Variants in EPHA6 observed in about 807,000 individuals in gnomAD.
EPHA6 encodes the protein EPH receptor A6.
Under a neutral mutation model 112.0 loss-of-function variants are expected in EPHA6, and 50 were observed. The ratio of observed to expected loss-of-function variants is 0.45; its 90% CI spans 0.36 to 0.56. The LOEUF (loss-of-function observed/expected upper bound fraction) is 0.56, where lower values mean the gene tolerates loss of function less well. Ranked by LOEUF, EPHA6 falls within the 20% of genes least tolerant of loss-of-function variation. EPHA6 has a pLI of 0.00. For missense variants in EPHA6, 1,280 were observed against 1,417.4 expected, an observed-to-expected ratio of 0.90 and a Z score of 1.56; for synonymous variants, 529 against 490.7, an observed-to-expected ratio of 1.08 and a Z score of -1.03.
At chr3:97,213,106 A>G (rs377603404) in intron 3 of EPHA6, among the ~76,000 whole-genome samples, 37 of 152,174 alleles carry the variant, frequency 2.4e-4, no homozygotes, top group Admixed American at 3.3e-4. Flanking sequence ...GTTCATAAAC[A>G]AGTTTATGGA....
intron 1 of EPHA6, among the ~76,000 whole-genome samples, chr3:96,837,276 T>C (rs2107305875): frequency 6.6e-6 from 1 of 152,216 alleles, no homozygotes; most frequent in African/African-American, 2.4e-5. Flanking sequence ...TGTGTGGTAA[T>C]TGCTCTCTGG....
chr3:96,908,896 C>G (rs1426562124), intron 2 of EPHA6, among the ~76,000 whole-genome samples: 1 of 151,896 alleles, frequency 6.6e-6, no homozygotes, highest in Admixed American at 6.6e-5. Flanking sequence ...GGAATAGCTT[C>G]ATTGGAGTTA....
intron 3 of EPHA6, among the ~76,000 whole-genome samples, chr3:97,030,534 A>G (rs537530473): frequency 2.4e-4 from 36 of 152,084 alleles, no homozygotes; most frequent in African/African-American, 1.2e-4. Flanking sequence ...TTCCTTAGCC[A>G]CTAAAGTTCT....
intron 6 of EPHA6, among the ~76,000 whole-genome samples, chr3:97,435,033 G>A (rs1009325319): frequency 6.6e-6 from 1 of 151,928 alleles, no homozygotes; most frequent in Non-Finnish European, 1.5e-5. Flanking sequence ...CAAGACAAAA[G>A]TTTAAACTGC....
At chr3:96,889,662 G>A (rs1483434492) in intron 2 of EPHA6, among the ~76,000 whole-genome samples, 1 of 152,122 alleles carries the variant, frequency 6.6e-6, no homozygotes, top group Non-Finnish European at 1.5e-5. Flanking sequence ...ATTTGGGTGA[G>A]GACTCAGAGG....
At chr3:97,317,447 A>T (rs2081897514) in intron 5 of EPHA6, among the ~76,000 whole-genome samples, 1 of 152,026 alleles carries the variant, frequency 6.6e-6, no homozygotes, top group Non-Finnish European at 1.5e-5. Flanking sequence ...ACTATTTTAA[A>T]CTCATTGTTA....
intron 7 of EPHA6, chr3:97,466,567 G>A (rs1338008989): frequency 2.8e-6 from 2 of 723,680 alleles, no homozygotes; most frequent in Non-Finnish European, 5.0e-6. Flanking sequence ...CTCAGTCTCA[G>A]TTCTGTTTTC....
chr3:96,876,052 C>A (rs1168273790), intron 2 of EPHA6, among the ~76,000 whole-genome samples: 1 of 150,612 alleles, frequency 6.6e-6, no homozygotes, highest in Non-Finnish European at 1.5e-5. Context: ...ATAAAATAAT[C>A]TGTATCTAAA....
At chr3:97,033,624 C>T (rs2044965203) in intron 3 of EPHA6, among the ~76,000 whole-genome samples, 1 of 151,932 alleles carries the variant, frequency 6.6e-6, no homozygotes, top group Non-Finnish European at 1.5e-5. Flanking sequence ...GAAAATTGCA[C>T]ATATTCTTAA....
At chr3:97,190,979 T>C (rs2077290731) in intron 3 of EPHA6, among the ~76,000 whole-genome samples, 1 of 152,116 alleles carries the variant, frequency 6.6e-6, no homozygotes, top group Non-Finnish European at 1.5e-5. Flanking sequence ...ATCTCTTGAA[T>C]GTATTTTTCT....
chr3:97,524,258 G>T (rs1171465933), intron 10 of EPHA6, among the ~76,000 whole-genome samples: 1 of 151,760 alleles, frequency 6.6e-6, no homozygotes, highest in East Asian at 1.9e-4. Context: ...TCTGCCAGAG[G>T]TTTTTCATTA....
In EPHA6 at chr3:97,613,053, A is replaced by G. The variant is rs1029859513; in HGVS notation, c.2574+2199A>G. On this transcript the variant is annotated intron_variant, in intron 13 of 17. Coordinates refer to ENST00000389672, the MANE Select transcript of EPHA6 (RefSeq NM_001080448.3). The stretch of plus-strand genomic sequence containing the variant: ...TGCACGTAGAGTTTCTAAAAGTCAC[A>G]TTATTATAATGCAAAAAAAAAATCA... Among the ~76,000 whole-genome samples, 6 of 152,134 alleles carry G rather than the reference A, an allele frequency of 3.9e-5. No individual in the cohort carries two copies. In the East Asian group the frequency reaches 9.7e-4, roughly 25 times the overall value.
Position 96,907,328 on chromosome 3 carries a change from C to T in EPHA6, c.450+40439C>T, listed in dbSNP as rs115463497. ...AAGGTGTCATTTATTATATACCCCA[C>T]TGAAAAGAATGTTCACTTTTATTTC... On this transcript the variant is annotated intron_variant, in intron 2 of 17. Transcript: ENST00000389672. 1.9e-3 allele frequency among the ~76,000 whole-genome samples: 293 copies of T among 151,812 alleles called. 1 individual carries two copies. The highest frequency in any genetic ancestry group is 6.8e-3 in the African/African-American group (282 of 41,494).
chr3:96,955,645 AT>A (rs1481702158), intron 2 of EPHA6, among the ~76,000 whole-genome samples: 15 of 152,220 alleles, frequency 9.9e-5, no homozygotes, highest in African/African-American at 3.6e-4. Flanking sequence ...GCAGACAGAA[AT>A]TTAAACATAA....
chr3:97,319,468 G>C lies in EPHA6; in HGVS notation c.1606+75181G>C, dbSNP rs573009729. ...GGAGCATTTGAGGTCAGGAGTTCGA[G>C]ACCAGCCTGACCAACATGGTGAAAA... On this transcript the variant is annotated intron_variant, in intron 5 of 17. Coordinates refer to ENST00000389672, the MANE Select transcript of EPHA6 (RefSeq NM_001080448.3). Among the ~76,000 whole-genome samples, 35 of 151,314 alleles carry C rather than the reference G, an allele frequency of 2.3e-4. No homozygotes were observed. The South Asian group carries it at 7.1e-3, about 31-fold the overall frequency.
In EPHA6 at chr3:97,475,387, G is replaced by C; in HGVS notation, c.1930G>C (p.Val644Leu). The change falls in exon 8 of 18, where the codon GTG (valine) becomes CTG (leucine). Residue 644 changes from valine to leucine, a missense_variant. Physicochemically the swap from Val to Leu is conservative, Grantham distance 32. Around this residue, in one of 4 missense-constraint regions of EPHA6, gnomAD observed 878 missense variants for 999.7 expected, o/e 0.88. Coordinates refer to ENST00000389672, the MANE Select transcript of EPHA6 (RefSeq NM_001080448.3). Reference sequence around the variant, plus strand: ...GGCAGCAGAACAAGGACAGATTCTCGTGATAGCCACCGCCGCTGTTGGCGG... The same window carrying C: ...GGCAGCAGAACAAGGACAGATTCTCCTGATAGCCACCGCCGCTGTTGGCGG... ...DMAAEQGQIL[V>L]IATAAVGGFT... 1.2e-6 allele frequency: 2 copies of C among 1,611,796 alleles called. No homozygotes were observed. The highest frequency in any genetic ancestry group is 1.7e-6 in the Non-Finnish European group (2 of 1,178,830).
intron 6 of EPHA6, chr3:97,441,488 T>C (rs2090136452): frequency 5.4e-6 from 5 of 919,534 alleles, no homozygotes; most frequent in Non-Finnish European, 6.5e-6. Context: ...TCAGACATAA[T>C]TATATTTAAC....
chr3:97,402,228 G>T (rs751332188), intron 5 of EPHA6, among the ~76,000 whole-genome samples: 2 of 151,982 alleles, frequency 1.3e-5, no homozygotes, highest in South Asian at 4.1e-4. Context: ...GTCTCGATAA[G>T]CTCTCTAATG....
intron 2 of EPHA6, among the ~76,000 whole-genome samples, chr3:96,889,976 C>CAT (rs1426097752): frequency 6.6e-6 from 1 of 151,862 alleles, no homozygotes; most frequent in East Asian, 1.9e-4. Context: ...CATTGGAATA[C>CAT]ATATATATAT....
Sources: gnomAD v4.1 joint callset for allele counts (sites outside exome capture counted in the v4.1 genomes callset) on GRCh38, gnomAD v4.1.1 for gene constraint, gnomAD v4.1.1 regional missense constraint, MANE v1.5 for transcripts, NCBI Gene and HGNC (gene_info 2026-07-23, HGNC 2026-07-21) for gene names.